Variants in FMN2 observed in about 807,000 individuals in gnomAD.
The protein encoded by FMN2 is formin 2, also known as formin-2.
Under a neutral mutation model 142.3 loss-of-function variants are expected in FMN2, and 51 were observed. That is an observed-to-expected ratio of 0.36 (90% CI 0.29 to 0.45). The LOEUF is 0.45. Ranked by LOEUF, FMN2 falls within the 20% of genes least tolerant of loss-of-function variation. The pLI, the probability that FMN2 is intolerant of heterozygous loss-of-function variation, is 1.00. For synonymous variants in FMN2, 882 were observed against 869.8 expected (o/e 1.01, Z -0.25); for missense variants, 1,936 against 2,122.8 (o/e 0.91, Z 1.73).
chr1:240,246,853 A>G (rs1360999292), intron 6 of FMN2, among the ~76,000 whole-genome samples: 1 of 152,180 alleles, frequency 6.6e-6, no homozygotes, highest in Non-Finnish European at 1.5e-5. Context: ...TATAAGTTCT[A>G]ATTTTATAGA....
At chr1:240,439,849 G>A (rs971563382) in intron 16 of FMN2, among the ~76,000 whole-genome samples, 2 of 152,066 alleles carry the variant, frequency 1.3e-5, no homozygotes, top group East Asian at 1.9e-4. Context: ...ACTTTAGCAC[G>A]TCACACAGAA....
At position 240,262,084 on chromosome 1, in the gene FMN2, T is replaced by A. The variant is rs555998246; in HGVS notation, c.4153+4052T>A. On this transcript the variant is annotated intron_variant, in intron 7 of 17. Coordinates refer to ENST00000319653, the MANE Select transcript of FMN2 (RefSeq NM_020066.5). The stretch of plus-strand genomic sequence containing the variant: ...CCCCTGCCAGTATAGCCCTTTTTTT[T>A]AATTATTATTATACTTTAAGTTCTA... 6.8e-4 allele frequency among the ~76,000 whole-genome samples: 103 copies of A among 152,042 alleles called. 1 individual carries two copies. Among genetic ancestry groups the A allele is most frequent in the South Asian group, 6.7e-3 (32 of 4,812 alleles).
intron 15 of FMN2, among the ~76,000 whole-genome samples, chr1:240,395,653 GAA>G (rs2103102296): frequency 6.6e-6 from 1 of 152,320 alleles, no homozygotes; most frequent in Non-Finnish European, 1.5e-5. Context: ...GGTAGAAATA[GAA>G]AGAGAATTAG....
At chr1:240,423,737 T>C (rs1272537613) in intron 15 of FMN2, among the ~76,000 whole-genome samples, 3 of 152,194 alleles carry the variant, frequency 2.0e-5, no homozygotes, top group Non-Finnish European at 4.4e-5. Context: ...AAAAGGCCAG[T>C]CCAATCATAG....
intron 2 of FMN2, among the ~76,000 whole-genome samples, chr1:240,135,952 T>TAC (rs1046122051): frequency 6.6e-6 from 1 of 151,900 alleles, no homozygotes; most frequent in African/African-American, 2.4e-5. Flanking sequence ...GTGCTGGGAT[T>TAC]ACAGGCATGA....
At chr1:240,119,032 T>TA (rs1202805390) in intron 1 of FMN2, among the ~76,000 whole-genome samples, 2 of 152,000 alleles carry the variant, frequency 1.3e-5, no homozygotes, top group Non-Finnish European at 2.9e-5. Context: ...GGATTTGACT[T>TA]AAAATGCCTC....
intron 3 of FMN2, among the ~76,000 whole-genome samples, chr1:240,182,967 T>A (rs1572030284): frequency 6.6e-6 from 1 of 150,962 alleles, no homozygotes; most frequent in Admixed American, 6.6e-5. Flanking sequence ...CCCAGGCTGG[T>A]GTATGGTGGC....
chr1:240,435,994 T>A (rs1675354009), intron 15 of FMN2, among the ~76,000 whole-genome samples: 3 of 152,242 alleles, frequency 2.0e-5, no homozygotes, highest in African/African-American at 7.2e-5. Context: ...TTTAGGTATA[T>A]AAGGAAAATG....
At chr1:240,293,415 G>T (rs1403660079) in intron 7 of FMN2, among the ~76,000 whole-genome samples, 1 of 152,108 alleles carries the variant, frequency 6.6e-6, no homozygotes, top group Non-Finnish European at 1.5e-5. Context: ...TGGATTCACT[G>T]TAAGATATTC....
At chr1:240,395,325 C>T (rs185791715) in intron 15 of FMN2, among the ~76,000 whole-genome samples, 8 of 152,312 alleles carry the variant, frequency 5.3e-5, no homozygotes, top group East Asian at 3.9e-4. Flanking sequence ...AATCACGTTT[C>T]GATGCCTGCT....
At chr1:240,291,155 G>A (rs1669772781) in intron 7 of FMN2, among the ~76,000 whole-genome samples, 1 of 152,096 alleles carries the variant, frequency 6.6e-6, no homozygotes, top group Non-Finnish European at 1.5e-5. Flanking sequence ...GTTGTTTAAA[G>A]GAAGTGGTAA....
intron 13 of FMN2, among the ~76,000 whole-genome samples, chr1:240,341,878 C>T (rs1057198884): frequency 1.1e-4 from 17 of 152,342 alleles, no homozygotes; most frequent in African/African-American, 4.1e-4. Context: ...GCTACTTACT[C>T]TTGCTGCCCC....
At chr1:240,402,458 G>A (rs1387712965) in intron 15 of FMN2, among the ~76,000 whole-genome samples, 1 of 152,192 alleles carries the variant, frequency 6.6e-6, no homozygotes, top group Non-Finnish European at 1.5e-5. Context: ...AGGCGGCTGG[G>A]CAGATGAGTC....
intron 8 of FMN2, among the ~76,000 whole-genome samples, chr1:240,328,366 A>G (rs1204483979): frequency 1.3e-5 from 2 of 151,512 alleles, no homozygotes; most frequent in Non-Finnish European, 2.9e-5. Flanking sequence ...TGACTTCTGA[A>G]TAAGAAATAC....
intron 7 of FMN2, among the ~76,000 whole-genome samples, chr1:240,263,783 CA>C (rs1318101652): frequency 5.3e-5 from 8 of 152,158 alleles, no homozygotes; most frequent in Non-Finnish European, 1.0e-4. Flanking sequence ...CTTACGGAAA[CA>C]CGTTTCAATA....
chr1:240,252,953 C>CTTT lies in FMN2; in HGVS notation c.4066-4977_4066-4975dup, dbSNP rs59902639. Reference sequence around the variant, plus strand: ...CCCATGTGTGATGTAGTCTTGTTCACTTTTTTTTTTTTTTTTTGGAGACAG... The same window carrying CTTT: ...CCCATGTGTGATGTAGTCTTGTTCACTTTTTTTTTTTTTTTTTTTTGGAGACAG... On this transcript the variant is annotated intron_variant, in intron 6 of 17. Transcript: ENST00000319653. Among the ~76,000 whole-genome samples, 199 of 65,346 alleles carry CTTT rather than the reference C, an allele frequency of 3.0e-3. 27 individuals carry two copies. The highest frequency in any genetic ancestry group is 0.015 in the East Asian group (20 of 1,324). The allele number at this position is 65,346 out of a possible 152,430, so 42.9% of individuals were successfully genotyped here. A position where few individuals can be genotyped will look rare whatever the true frequency, so the allele number is the denominator to read the frequency against.
chr1:240,185,266 C>A (rs1190885335), intron 3 of FMN2, among the ~76,000 whole-genome samples: 3 of 151,744 alleles, frequency 2.0e-5, no homozygotes, highest in Non-Finnish European at 4.4e-5. Flanking sequence ...TTTTTCTCTT[C>A]TCTCCCAGTG....
intron 4 of FMN2, 81 bp from the exon 5 acceptor site, chr1:240,206,716 CAG>C (rs1383978579): frequency 1.7e-5 from 25 of 1,445,782 alleles, no homozygotes; most frequent in South Asian, 7.0e-5. Flanking sequence ...TGACAACAAA[CAG>C]ATATAATTTT....
In FMN2 at chr1:240,187,813, C is replaced by G. The variant is rs1028436948; in HGVS notation, c.1931-394C>G. ...GCAATTTGACAACAGTTAGATGAGG[C>G]TTTTGAGCTCCCATCCTTCAACCTT... On this transcript the variant is annotated intron_variant, in intron 3 of 17. Transcript: ENST00000319653. Among the ~76,000 whole-genome samples the G allele has an allele frequency of 3.3e-5, 5 of 152,112 alleles. 1 individual carries two copies. In the East Asian group the frequency reaches 9.7e-4, roughly 29 times the overall value.
Sources: gnomAD v4.1 joint callset for allele counts (sites outside exome capture counted in the v4.1 genomes callset) on GRCh38, gnomAD v4.1.1 for gene constraint, MANE v1.5 for transcripts, NCBI Gene and HGNC (gene_info 2026-07-23, HGNC 2026-07-21) for gene names.